Variants in CSNK1G1 observed in about 807,000 individuals in gnomAD.
CSNK1G1 encodes the protein casein kinase 1 gamma 1, also known as casein kinase I isoform gamma-1.
CSNK1G1 carries 22 observed loss-of-function variants against 59.6 expected under a neutral mutation model. The observed-to-expected ratio is 0.37, with a 90% CI of 0.26 to 0.53. CSNK1G1 has a LOEUF of 0.53. Among genes scored for constraint, CSNK1G1 ranks in the 20% least tolerant of loss-of-function variants. The pLI is 0.89. For synonymous variants in CSNK1G1, 179 were observed against 177.1 expected (o/e 1.01, Z -0.08); for missense variants, 384 against 519.5 (o/e 0.74, Z 2.54).
chr15:64,266,042 C>T (rs1047865514), intron 2 of CSNK1G1: 22 of 241,426 alleles, frequency 9.1e-5, no homozygotes, highest in South Asian at 5.8e-4. Flanking sequence ...ACACTCCAGC[C>T]GAGGTGACAA....
At chr15:64,299,886 G>A (rs1048596035) in intron 2 of CSNK1G1, among the ~76,000 whole-genome samples, 13 of 152,116 alleles carry the variant, frequency 8.5e-5, no homozygotes, top group Admixed American at 2.6e-4. Flanking sequence ...GGGTATTACT[G>A]AGTAAGGATT....
chr15:64,306,620 C>T (rs1311595579), intron 1 of CSNK1G1, among the ~76,000 whole-genome samples: 2 of 152,110 alleles, frequency 1.3e-5, no homozygotes, highest in Admixed American at 1.3e-4. Context: ...TGACCCAGCA[C>T]ATTTCTTGGT....
At position 64,170,868 on chromosome 15, in the gene CSNK1G1, C is replaced by T. The variant is rs1359481179; in HGVS notation, c.*1063G>A. 1 of 152,554 alleles carries T rather than the reference C, an allele frequency of 6.6e-6. No homozygotes were observed. The highest frequency in any genetic ancestry group is 2.4e-5 in the African/African-American group (1 of 41,402). The allele number at this position is 152,554 out of a possible 1,614,324, so 9.5% of individuals were successfully genotyped here. On this transcript the variant is annotated 3_prime_UTR_variant, in exon 12 of 12. Transcript: ENST00000303052. ...CTCATGTTCTGGAGAGCTAGGTTTT[C>T]AAACTGTAAGCTGATTAGGTCAAGA...
chr15:64,302,934 T>C (rs1293079682), intron 1 of CSNK1G1, among the ~76,000 whole-genome samples: 1 of 152,216 alleles, frequency 6.6e-6, no homozygotes, highest in Non-Finnish European at 1.5e-5. Context: ...GATGTTATTT[T>C]TATAATACTT....
rs551135030 is a variant in CSNK1G1, at chr15:64,171,857, A to G, written c.*74T>C. 2.3e-5 allele frequency: 29 copies of G among 1,272,208 alleles called. No homozygotes were observed. Among genetic ancestry groups the G allele is most frequent in the East Asian group, 1.2e-4 (5 of 43,376 alleles). The allele number at this position is 1,272,208 out of a possible 1,614,324, so 78.8% of individuals were successfully genotyped here. ...CTCCCCCAAAGAGGAGTCCCTTCCA[A>G]TGAGAAATGGCAGGAGCTGCAGGTA... is the stretch of plus-strand genomic sequence containing the variant. On this transcript the variant is annotated 3_prime_UTR_variant, in exon 12 of 12. Coordinates refer to ENST00000303052, the MANE Select transcript of CSNK1G1 (RefSeq NM_022048.5). The surrounding 1 kb of genome is among the most constrained non-coding windows in gnomAD (Gnocchi z 4.8).
rs754056713 is a variant in CSNK1G1 at position 64,214,164 on chromosome 15, A to G, written c.445-40T>C. On this transcript the variant is annotated intron_variant, in intron 5 of 11. Transcript: ENST00000303052. This position sits in a 1 kb window ranked among gnomAD's most constrained non-coding sequence, Gnocchi z 4.3. ...AATGATAGAAAGACTGTAAAGAAGT[A>G]TATCAGGAAAATACATCAAAACAGT... is the stretch of plus-strand genomic sequence containing the variant. 3 of 1,410,472 alleles carry G rather than the reference A, an allele frequency of 2.1e-6. No homozygotes were observed. Among genetic ancestry groups the G allele is most frequent in the East Asian group, 2.3e-5 (1 of 43,936 alleles). 87.4% of individuals were successfully genotyped at this position (1,410,472 alleles called of 1,614,324 possible). A position where few individuals can be genotyped will look rare whatever the true frequency, so the allele number is the denominator to read the frequency against.
intron 4 of CSNK1G1, among the ~76,000 whole-genome samples, chr15:64,233,344 TTCTC>T (rs748155319): frequency 6.7e-5 from 10 of 148,434 alleles, no homozygotes; most frequent in Non-Finnish European, 1.0e-4. Context: ...AAAGGACAGA[TTCTC>T]TCTCTCTCTC....
chr15:64,168,517 T>G lies in CSNK1G1; in HGVS notation c.*3414A>C, dbSNP rs756137716. 3 of 152,356 alleles carry G rather than the reference T, an allele frequency of 2.0e-5. No homozygotes were observed. Among genetic ancestry groups the G allele is most frequent in the East Asian group, 1.9e-4 (1 of 5,188 alleles). The allele number at this position is 152,356 out of a possible 1,614,324, so 9.4% of individuals were successfully genotyped here. A position where few individuals can be genotyped will look rare whatever the true frequency, so the allele number is the denominator to read the frequency against. ...TTAGGATGCAATGTCTGAGGGACTG[T>G]AGAGCTTGGGAAAACTCCTAATGTA... On this transcript the variant is annotated 3_prime_UTR_variant, in exon 12 of 12. Coordinates refer to ENST00000303052, the MANE Select transcript of CSNK1G1 (RefSeq NM_022048.5).
At chr15:64,191,391 A>T (rs2081968600) in intron 10 of CSNK1G1, among the ~76,000 whole-genome samples, 1 of 152,116 alleles carries the variant, frequency 6.6e-6, no homozygotes. Flanking sequence ...TAAAATAGAA[A>T]ATGGCTGGAA....
intron 1 of CSNK1G1, among the ~76,000 whole-genome samples, chr15:64,304,364 C>T (rs1314780354): frequency 9.1e-6 from 1 of 110,324 alleles, no homozygotes; most frequent in African/African-American, 3.6e-5. Flanking sequence ...GCCTGGGCAA[C>T]GAGAGCGAAA....
intron 2 of CSNK1G1, among the ~76,000 whole-genome samples, chr15:64,262,282 A>T (rs1194213785): frequency 6.6e-6 from 1 of 152,246 alleles, no homozygotes; most frequent in Admixed American, 6.5e-5. Flanking sequence ...ATCACATGAT[A>T]TAGTGAGTGT....
At chr15:64,209,490 T>C (rs2082224317) in intron 6 of CSNK1G1, among the ~76,000 whole-genome samples, 1 of 152,156 alleles carries the variant, frequency 6.6e-6, no homozygotes, top group Non-Finnish European at 1.5e-5. Context: ...TGTAAAAAGA[T>C]GGTTACTAAT....
chr15:64,310,308 T>C (rs1895921598), intron 1 of CSNK1G1, among the ~76,000 whole-genome samples: 12 of 151,920 alleles, frequency 7.9e-5, no homozygotes, highest in Admixed American at 7.9e-4. Context: ...TCAGCCTCAA[T>C]ATCAATTTAC....
chr15:64,270,844 C>T (rs1893262091), intron 2 of CSNK1G1, among the ~76,000 whole-genome samples: 1 of 151,694 alleles, frequency 6.6e-6, no homozygotes, highest in South Asian at 2.1e-4. Flanking sequence ...CAAAGGGCTT[C>T]TTGATTTCTG....
intron 3 of CSNK1G1, among the ~76,000 whole-genome samples, chr15:64,255,237 C>A (rs1432948876): frequency 6.6e-6 from 1 of 152,100 alleles, no homozygotes; most frequent in Non-Finnish European, 1.5e-5. Context: ...CCACCACACT[C>A]GGCTAATTTT....
chr15:64,225,490 T>C (rs1219015926), intron 4 of CSNK1G1, among the ~76,000 whole-genome samples: 2 of 152,154 alleles, frequency 1.3e-5, no homozygotes, highest in Non-Finnish European at 2.9e-5. Context: ...ATGCCTCTGA[T>C]TGGTCCTGGG....
At chr15:64,207,425 T>G (rs1432463542) in intron 7 of CSNK1G1, 84 bp downstream of exon 7, 4 of 1,023,294 alleles carry the variant, frequency 3.9e-6, no homozygotes, top group East Asian at 5.0e-5. Flanking sequence ...CCCTACACAT[T>G]TCTTAAAAAC....
intron 1 of CSNK1G1, among the ~76,000 whole-genome samples, chr15:64,355,577 T>C (rs1898609495): frequency 6.6e-6 from 1 of 152,190 alleles, no homozygotes; most frequent in Admixed American, 6.5e-5. Flanking sequence ...AGTCCAGCTC[T>C]GTCCCAGCGG....
chr15:64,226,278 G>A (rs1056119160), intron 4 of CSNK1G1, among the ~76,000 whole-genome samples: 13 of 152,138 alleles, frequency 8.5e-5, no homozygotes, highest in South Asian at 2.1e-4. Context: ...AGACTAACTC[G>A]GCTGGGTGTG....
Sources: gnomAD v4.1 joint callset for allele counts (sites outside exome capture counted in the v4.1 genomes callset) on GRCh38, gnomAD v4.1.1 for gene constraint, Gnocchi (gnomAD v3.1) non-coding constraint, MANE v1.5 for transcripts, NCBI Gene and HGNC (gene_info 2026-07-23, HGNC 2026-07-21) for gene names.